The following AACS variants were observed in gnomAD, a reference collection of about 807,000 sequenced individuals.
AACS encodes the protein acetoacetate-CoA ligase.
AACS carries 69 observed loss-of-function variants against 83.1 expected under a neutral mutation model. The ratio of observed to expected loss-of-function variants is 0.83; its 90% CI spans 0.68 to 1.01. The LOEUF is 1.01. Among genes scored for constraint, AACS ranks in the 50% least tolerant of loss-of-function variants. The pLI is 0.00. For missense variants in AACS, 866 were observed against 882.2 expected, an observed-to-expected ratio of 0.98 and a Z score of 0.23; for synonymous variants, 333 against 343.4, an observed-to-expected ratio of 0.97 and a Z score of 0.33.
intron 8 of AACS, 73 bp from the exon 9 acceptor site, chr12:125,114,404 G>A (rs989705057): frequency 1.6e-5 from 21 of 1,287,904 alleles, no homozygotes; most frequent in Middle Eastern, 1.8e-4. Context: ...TGAGCAGCGC[G>A]TGGGCCAGGT....
Position 125,125,051 on chromosome 12 carries a change from C to G in AACS, c.1309+27C>G, listed in dbSNP as rs571126792. ...TATGGCCCCGGTGGGGACAGTCCTT[C>G]CAGCCATCCCCGCCGGCCCCATAAG... On this transcript the variant is annotated intron_variant, in intron 12 of 17. Coordinates refer to ENST00000316519, the MANE Select transcript of AACS (RefSeq NM_023928.5). The G allele has an allele frequency of 3.1e-5, 50 of 1,612,854 alleles. No homozygotes were observed. The South Asian group carries it at 5.2e-4, about 17-fold the overall frequency.
At chr12:125,127,151 G>C (rs1207213844) in intron 12 of AACS, 3 of 151,550 alleles carry the variant, frequency 2.0e-5, no homozygotes, top group African/African-American at 7.3e-5. Flanking sequence ...AAAAAAAAAA[G>C]GTGCCATTTG....
At chr12:125,090,843 T>C (rs1251285396) in intron 4 of AACS, among the ~76,000 whole-genome samples, 1 of 152,258 alleles carries the variant, frequency 6.6e-6, no homozygotes, top group East Asian at 1.9e-4. Context: ...AGCCCTCATG[T>C]GAGAACCAGA....
chr12:125,140,739 A>G lies in AACS; in HGVS notation c.1882-1353A>G, dbSNP rs1261731121. ...ATTCAAGGTGAAACACATGTGCCAT[A>G]AATCTTGGAGCTCTGAATGTTTGGA... On this transcript the variant is annotated intron_variant, in intron 17 of 17. Coordinates refer to ENST00000316519, the MANE Select transcript of AACS (RefSeq NM_023928.5). This position sits in a 1 kb window ranked among gnomAD's most constrained non-coding sequence, Gnocchi z 5.1. 6.6e-6 allele frequency: 1 copy of G among 152,114 alleles called. No individual in the cohort carries two copies. Among genetic ancestry groups the G allele is most frequent in the Admixed American group, 6.5e-5 (1 of 15,274 alleles). 9.4% of individuals were successfully genotyped at this position (152,114 alleles called of 1,614,324 possible).
At chr12:125,131,836 A>G (rs146424439) in intron 14 of AACS, among the ~76,000 whole-genome samples, 5,965 of 152,098 alleles carry the variant, frequency 0.039, 245 homozygotes, top group East Asian at 0.095. Flanking sequence ...TGATCTTGTG[A>G]TCCACCCACC....
At chr12:125,082,342 ATT>A (rs746125500) in intron 3 of AACS, among the ~76,000 whole-genome samples, 6 of 131,684 alleles carry the variant, frequency 4.6e-5, no homozygotes, top group African/African-American at 5.7e-5. Context: ...TGGCTATTTC[ATT>A]TTTTTTTTTT....
At chr12:125,124,446 G>A (rs1300373134) in intron 10 of AACS, 6 of 523,376 alleles carry the variant, frequency 1.1e-5, no homozygotes, top group South Asian at 2.6e-5. Flanking sequence ...TCGGGTGAGC[G>A]ACTGTTTTAT....
Position 125,130,259 on chromosome 12 carries a change from C to T in AACS, c.1549+799C>T, listed in dbSNP as rs1403824614. Reference sequence around the variant, plus strand: ...CCTGCCTTGCGTGTTTGCGTTTCACCGTTAAAGCCATTGTGCCTGGAATAG... The same window carrying T: ...CCTGCCTTGCGTGTTTGCGTTTCACTGTTAAAGCCATTGTGCCTGGAATAG... On this transcript the variant is annotated intron_variant, in intron 14 of 17. Transcript: ENST00000316519. The surrounding 1 kb of genome is among the most constrained non-coding windows in gnomAD (Gnocchi z 4.9). Among the ~76,000 whole-genome samples, 1 of 152,242 alleles carries T rather than the reference C, an allele frequency of 6.6e-6. No homozygotes were observed. Among genetic ancestry groups the T allele is most frequent in the African/African-American group, 2.4e-5 (1 of 41,460 alleles).
At chr12:125,085,503 A>T (rs2136064877) in intron 3 of AACS, among the ~76,000 whole-genome samples, 2 of 152,052 alleles carry the variant, frequency 1.3e-5, no homozygotes, top group Middle Eastern at 6.8e-3. Flanking sequence ...CGTTGCATCC[A>T]CATGTGTTTC....
intron 7 of AACS, among the ~76,000 whole-genome samples, chr12:125,106,776 G>A (rs1482760009): frequency 1.3e-5 from 2 of 152,174 alleles, no homozygotes; most frequent in African/African-American, 4.8e-5. Context: ...TCCTTCAGCC[G>A]TGTTGGTACA....
intron 3 of AACS, among the ~76,000 whole-genome samples, chr12:125,081,266 T>C (rs1480262296): frequency 1.3e-5 from 2 of 152,210 alleles, no homozygotes; most frequent in Non-Finnish European, 2.9e-5. Context: ...AGTGTTGGGA[T>C]TACAGGCGTG....
intron 2 of AACS, among the ~76,000 whole-genome samples, chr12:125,074,997 A>G (rs1163799785): frequency 2.0e-4 from 19 of 93,256 alleles, no homozygotes; most frequent in Non-Finnish European, 3.4e-4. Flanking sequence ...TTTTTTTGAG[A>G]TGGATTCTTG....
At position 125,142,077 on chromosome 12, in the gene AACS, A is replaced by G. The variant is rs1178267943; in HGVS notation, c.1882-15A>G. On this transcript the variant is annotated splice_polypyrimidine_tract_variant and intron_variant, in intron 17 of 17. Coordinates refer to ENST00000316519, the MANE Select transcript of AACS (RefSeq NM_023928.5). ...CAGGTTTAAATGTTCCTGTTTTTCT[A>G]CCTTTCCCTCGCAGTATACGCTCAA... 2 of 1,613,552 alleles carry G rather than the reference A, an allele frequency of 1.2e-6. No individual in the cohort carries two copies. The highest frequency in any genetic ancestry group is 1.7e-5 in the Admixed American group (1 of 59,962).
rs140715777 is a variant in AACS at position 125,093,926 on chromosome 12, T to C, written c.570+2403T>C. On this transcript the variant is annotated intron_variant, in intron 5 of 17. Coordinates refer to ENST00000316519, the MANE Select transcript of AACS (RefSeq NM_023928.5). ...CATTATTGGGCAGCACTCCTGGCCG[T>C]GTGCACCCAGCGTGGGAGGGCCTGC... is the stretch of plus-strand genomic sequence containing the variant. Among the ~76,000 whole-genome samples the C allele has an allele frequency of 8.9e-3, 1,359 of 152,306 alleles. 25 individuals are homozygous for C. The highest frequency in any genetic ancestry group is 0.031 in the African/African-American group (1,286 of 41,568).
At chr12:125,091,612 G>A (rs889798047) in intron 5 of AACS, 89 bp downstream of exon 5, 57 of 1,351,650 alleles carry the variant, frequency 4.2e-5, no homozygotes, top group Non-Finnish European at 5.5e-5. Flanking sequence ...CAGGGGAGCC[G>A]GACAGCAGCG....
Position 125,107,188 on chromosome 12 carries a change from C to T in AACS, c.835C>T (p.Leu279=), listed in dbSNP as rs140472203. The stretch of plus-strand genomic sequence containing the variant: ...GGCCCCGCAGCTGGAGTTCGAGCAG[C>T]TGCCCTTCAGCCACCCACTGTTCAT... The part of the protein sequence containing the change: ...EQAPQLEFEQ[L]PFSHPLFIMF... Residue 279 remains leucine, a synonymous_variant, in exon 8 of 18, where the codon CTG becomes TTG. Coordinates refer to ENST00000316519, the MANE Select transcript of AACS (RefSeq NM_023928.5). 47 of 1,614,040 alleles carry T rather than the reference C, an allele frequency of 2.9e-5. No individual in the cohort carries two copies. The Admixed American group carries it at 7.8e-4, about 27-fold the overall frequency.
rs1956557356 is a variant in AACS at position 125,094,364 on chromosome 12, T to C, written c.570+2841T>C. Among the ~76,000 whole-genome samples the C allele has an allele frequency of 6.6e-6, 1 of 152,238 alleles. No individual in the cohort carries two copies. Among genetic ancestry groups the C allele is most frequent in the Non-Finnish European group, 1.5e-5 (1 of 68,046 alleles). On this transcript the variant is annotated intron_variant, in intron 5 of 17. Coordinates refer to ENST00000316519, the MANE Select transcript of AACS (RefSeq NM_023928.5). This position sits in a 1 kb window ranked among gnomAD's most constrained non-coding sequence, Gnocchi z 4.1. ...CTTTGAAATTATATTTCTTTGAATCTCAGAGAATATCGTAAAGGGAAATTG... is the reference window on the plus strand; with the variant it reads ...CTTTGAAATTATATTTCTTTGAATCCCAGAGAATATCGTAAAGGGAAATTG...
At chr12:125,134,994 C>A in intron 16 of AACS, 142 bp downstream of exon 16, 1 of 945,962 alleles carries the variant, frequency 1.1e-6, no homozygotes, top group Non-Finnish European at 1.6e-6. Flanking sequence ...GCCTGACCTC[C>A]TTTCCAGAAC....
At chr12:125,126,536 T>A (rs1593002092) in intron 12 of AACS, 1 of 152,174 alleles carries the variant, frequency 6.6e-6, no homozygotes, top group Non-Finnish European at 1.5e-5. Context: ...TTCACATGAC[T>A]TAAGAGTTGA....
Sources: gnomAD v4.1 joint callset for allele counts (sites outside exome capture counted in the v4.1 genomes callset) on GRCh38, gnomAD v4.1.1 for gene constraint, Gnocchi (gnomAD v3.1) non-coding constraint, MANE v1.5 for transcripts, NCBI Gene and HGNC (gene_info 2026-07-23, HGNC 2026-07-21) for gene names.